The following CASZ1 variants were observed in gnomAD, a reference collection of about 807,000 sequenced individuals.
CASZ1 encodes castor zinc finger 1, also known as zinc finger protein castor homolog 1.
CASZ1 carries 28 observed loss-of-function variants against 135.2 expected under a neutral mutation model. The observed-to-expected ratio is 0.21, with a 90% CI of 0.15 to 0.28. CASZ1 has a LOEUF of 0.28. CASZ1 is among the 10% of genes least tolerant of loss of function. CASZ1 has a pLI of 1.00. For missense variants in CASZ1, 2,161 were observed against 2,453.3 expected (o/e 0.88, Z 2.52); for synonymous variants, 1,068 against 1,073.4 (o/e 0.99, Z 0.10).
At chr1:10,795,229 G>A (rs1481710011) in intron 1 of CASZ1, among the ~76,000 whole-genome samples, 2 of 149,960 alleles carry the variant, frequency 1.3e-5, no homozygotes, top group East Asian at 4.0e-4. Flanking sequence ...CTGGATCCCC[G>A]CTCCCCGACG....
At chr1:10,734,579 G>A (rs553707850) in intron 2 of CASZ1, among the ~76,000 whole-genome samples, 7 of 152,198 alleles carry the variant, frequency 4.6e-5, no homozygotes, top group African/African-American at 7.2e-5. Context: ...TTGGTAACTC[G>A]TCTGCCTGGG....
intron 15 of CASZ1, chr1:10,648,453 T>C (rs144834859): frequency 6.2e-6 from 2 of 320,952 alleles, no homozygotes; most frequent in Non-Finnish European, 1.1e-5. Context: ...TTCCAGAACC[T>C]GCTCGGAGGT....
rs1640356047 is a variant in CASZ1, at chr1:10,760,709, C to T, written c.-85G>A. 6.6e-6 allele frequency: 1 copy of T among 152,396 alleles called. No individual in the cohort carries two copies. The allele number at this position is 152,396 out of a possible 1,614,324, so 9.4% of individuals were successfully genotyped here. On this transcript the variant is annotated 5_prime_UTR_variant, in exon 2 of 21. Transcript: ENST00000377022. ...GAACCGGAAGCATCTACCTTTGCAT[C>T]CCAAGAGGCCAGGGTCCGAAGTCCA...
In CASZ1 at chr1:10,776,056, C is replaced by T. The variant is rs181019365; in HGVS notation, c.-233-15199G>A. ...GTCCCTGTAGCTAATTTACACCCGT[C>T]AGGGTTTAAAATAGCAGAGGCATAA... is the stretch of plus-strand genomic sequence containing the variant. On this transcript the variant is annotated intron_variant, in intron 1 of 20. Coordinates refer to ENST00000377022, the MANE Select transcript of CASZ1 (RefSeq NM_001079843.3). The surrounding 1 kb of genome is among the most constrained non-coding windows in gnomAD (Gnocchi z 4.1). 3.3e-5 allele frequency among the ~76,000 whole-genome samples: 5 copies of T among 152,350 alleles called. No homozygotes were observed. Among genetic ancestry groups the T allele is most frequent in the Non-Finnish European group, 1.5e-5 (1 of 68,030 alleles).
At chr1:10,771,310 G>C (rs1028511997) in intron 1 of CASZ1, among the ~76,000 whole-genome samples, 3 of 152,128 alleles carry the variant, frequency 2.0e-5, no homozygotes, top group South Asian at 4.1e-4. Context: ...TCCTTACTTA[G>C]AAGTTTTTAT....
At chr1:10,766,673 A>G (rs1176841556) in intron 1 of CASZ1, among the ~76,000 whole-genome samples, 1 of 152,222 alleles carries the variant, frequency 6.6e-6, no homozygotes, top group Admixed American at 6.5e-5. Context: ...CTAAACAAAG[A>G]GAAAGAAAGG....
At chr1:10,751,481 C>T (rs1640149929) in intron 2 of CASZ1, among the ~76,000 whole-genome samples, 3 of 152,176 alleles carry the variant, frequency 2.0e-5, no homozygotes, top group Admixed American at 2.0e-4. Flanking sequence ...GGCCAGGCAG[C>T]ACGGAGCACT....
chr1:10,656,128 C>T (rs1437969662), intron 8 of CASZ1, among the ~76,000 whole-genome samples: 2 of 152,228 alleles, frequency 1.3e-5, no homozygotes, highest in Admixed American at 6.5e-5. Context: ...CAGCTCATCC[C>T]GCCCAGTGCA....
chr1:10,753,323 T>G (rs1322978972), intron 2 of CASZ1, among the ~76,000 whole-genome samples: 3 of 152,092 alleles, frequency 2.0e-5, no homozygotes, highest in Admixed American at 2.0e-4. Flanking sequence ...CAGATTCTTT[T>G]CAAGAGGCTC....
chr1:10,794,600 A>T lies in CASZ1; in HGVS notation c.-234+1964T>A, dbSNP rs368522720. On this transcript the variant is annotated intron_variant, in intron 1 of 20. Coordinates refer to ENST00000377022, the MANE Select transcript of CASZ1 (RefSeq NM_001079843.3). This position sits in a 1 kb window ranked among gnomAD's most constrained non-coding sequence, Gnocchi z 5.6. The stretch of plus-strand genomic sequence containing the variant: ...CGCCGCGCCCAGAGCCGGCTTTCCA[A>T]GCTGAAGCTGGGGCAGAGGAACTTG... Among the ~76,000 whole-genome samples the T allele has an allele frequency of 6.6e-6, 1 of 152,202 alleles. No homozygotes were observed. The highest frequency in any genetic ancestry group is 1.9e-4 in the East Asian group (1 of 5,142).
chr1:10,750,432 G>T (rs183348540), intron 2 of CASZ1, among the ~76,000 whole-genome samples: 1 of 152,028 alleles, frequency 6.6e-6, no homozygotes, highest in Non-Finnish European at 1.5e-5. Context: ...AGGTGCGTGC[G>T]CCACCACACC....
chr1:10,768,969 C>T lies in CASZ1; in HGVS notation c.-233-8112G>A, dbSNP rs565873075. ...GAGCCTGTCCAACATGGTGAAACCC[C>T]GTCTCTACTAAAAATACAAAAATTA... is the stretch of plus-strand genomic sequence containing the variant. On this transcript the variant is annotated intron_variant, in intron 1 of 20. Coordinates refer to ENST00000377022, the MANE Select transcript of CASZ1 (RefSeq NM_001079843.3). Among the ~76,000 whole-genome samples, 11 of 152,206 alleles carry T rather than the reference C, an allele frequency of 7.2e-5. No individual in the cohort carries two copies. In the East Asian group the frequency reaches 1.4e-3, roughly 19 times the overall value.
intron 4 of CASZ1, among the ~76,000 whole-genome samples, chr1:10,686,609 C>T (rs906374109): frequency 5.9e-5 from 9 of 152,236 alleles, no homozygotes; most frequent in African/African-American, 2.2e-4. Context: ...CGCCCCTCCC[C>T]GCCACCCTCT....
At chr1:10,655,604 G>A in intron 9 of CASZ1, 45 bp downstream of exon 9, 2 of 1,566,478 alleles carry the variant, frequency 1.3e-6, no homozygotes, top group Non-Finnish European at 1.7e-6. Context: ...GGGAGGGCCT[G>A]GGCCAGTCCT....
At chr1:10,792,319 T>TCCCCCTCCCCCCCCCCCC (rs201406555) in intron 1 of CASZ1, among the ~76,000 whole-genome samples, 2 of 16,930 alleles carry the variant, frequency 1.2e-4, no homozygotes, top group East Asian at 0.011. Context: ...GGCTTACCCC[T>TCCCCCTCCCCCCCCCCCC]CCCCCCCGCC....
chr1:10,773,078 G>A (rs986674778), intron 1 of CASZ1, among the ~76,000 whole-genome samples: 20 of 152,056 alleles, frequency 1.3e-4, no homozygotes, highest in Admixed American at 4.6e-4. Context: ...CTGGGTGCCC[G>A]TGTCATCGAG....
chr1:10,659,786 G>C lies in CASZ1; in HGVS notation c.1256C>G (p.Ser419Cys), dbSNP rs1356445893. 15 of 1,613,978 alleles carry C rather than the reference G, an allele frequency of 9.3e-6. No individual in the cohort carries two copies. Among genetic ancestry groups the C allele is most frequent in the Non-Finnish European group, 1.3e-5 (15 of 1,179,908 alleles). The change falls in exon 6 of 21, where the codon TCC becomes TGC. Residue 419 changes from serine to cysteine, a missense_variant. By Grantham distance (112) the Ser-to-Cys change is moderately radical. This residue lies in a region of CASZ1 where 590 missense variants were observed against 609.8 expected (regional missense o/e 0.97). Transcript: ENST00000377022. ...APGPGPEPPASLSFNTPEYLK... is the reference protein window; with the variant it reads ...APGPGPEPPACLSFNTPEYLK... ...GTACTCGGGAGTGTTGAAGGACAGG[G>C]AGGCAGGAGGCTCTGGCCCTGGCCC...
chr1:10,672,926 G>T (rs1643453842), intron 4 of CASZ1, among the ~76,000 whole-genome samples: 1 of 152,202 alleles, frequency 6.6e-6, no homozygotes, highest in South Asian at 2.1e-4. Context: ...ATTATTAGTG[G>T]TGTTTTTATT....
At chr1:10,789,550 C>T (rs539698326) in intron 1 of CASZ1, among the ~76,000 whole-genome samples, 22 of 151,712 alleles carry the variant, frequency 1.5e-4, no homozygotes, top group African/African-American at 4.8e-4. Flanking sequence ...CTCTATCCTC[C>T]TCTCTCTCTC....
Sources: gnomAD v4.1 joint callset for allele counts (sites outside exome capture counted in the v4.1 genomes callset) on GRCh38, gnomAD v4.1.1 for gene constraint, gnomAD v4.1.1 regional missense constraint, Gnocchi (gnomAD v3.1) non-coding constraint, MANE v1.5 for transcripts, NCBI Gene and HGNC (gene_info 2026-07-23, HGNC 2026-07-21) for gene names.